MCC: variants seen among roughly 807,000 people sequenced by gnomAD.
The protein encoded by MCC is MCC regulator of Wnt signaling pathway.
A neutral mutation model predicts 116.2 loss-of-function variants in MCC; 90 were observed. The observed-to-expected ratio is 0.77, with a 90% CI of 0.65 to 0.92. MCC has a LOEUF of 0.92. Ranked by LOEUF, MCC falls within the 40% of genes least tolerant of loss-of-function variation. MCC has a pLI of 0.00. For synonymous variants in MCC, 578 were observed against 510.5 expected (o/e 1.13, Z -1.78); for missense variants, 1,516 against 1,312.2 (o/e 1.16, Z -2.40).
chr5:113,333,075 G>T (rs1325686817), intron 3 of MCC, among the ~76,000 whole-genome samples: 1 of 151,564 alleles, frequency 6.6e-6, no homozygotes, highest in Non-Finnish European at 1.5e-5. Context: ...TTTTATGGTT[G>T]ATATGAAAAA....
intron 1 of MCC, among the ~76,000 whole-genome samples, chr5:113,415,920 G>C (rs1770131402): frequency 1.3e-5 from 2 of 152,110 alleles, no homozygotes; most frequent in South Asian, 4.1e-4. Flanking sequence ...TCTACCTTTG[G>C]TCTTTGATGT....
At chr5:113,224,091 G>A (rs916136306) in intron 3 of MCC, among the ~76,000 whole-genome samples, 1 of 152,066 alleles carries the variant, frequency 6.6e-6, no homozygotes, top group Non-Finnish European at 1.5e-5. Flanking sequence ...TATAGTTTTT[G>A]TTTTGTTTTG....
At chr5:113,435,132 A>G in intron 1 of MCC, 1 of 388,802 alleles carries the variant, frequency 2.6e-6, no homozygotes, top group Non-Finnish European at 4.7e-6. Flanking sequence ...AGACAAGATG[A>G]GCAGAAAGTG....
chr5:113,291,859 T>C (rs992928323), intron 3 of MCC, among the ~76,000 whole-genome samples: 1 of 152,200 alleles, frequency 6.6e-6, no homozygotes, highest in Non-Finnish European at 1.5e-5. Flanking sequence ...CTGTGGATAT[T>C]AGAAAAATGG....
intron 15 of MCC, among the ~76,000 whole-genome samples, chr5:113,053,332 C>T (rs1752607172): frequency 6.6e-6 from 1 of 152,210 alleles, no homozygotes; most frequent in Non-Finnish European, 1.5e-5. Context: ...AACTCTACAA[C>T]TGGCCTCACC....
intron 3 of MCC, among the ~76,000 whole-genome samples, chr5:113,323,938 C>T (rs1262766693): frequency 6.6e-6 from 1 of 152,222 alleles, no homozygotes; most frequent in East Asian, 1.9e-4. Context: ...GAAAGGACCA[C>T]TAATGCCTGG....
chr5:113,210,513 T>C (rs1051523546), intron 3 of MCC, among the ~76,000 whole-genome samples: 8 of 152,094 alleles, frequency 5.3e-5, no homozygotes, highest in African/African-American at 1.7e-4. Context: ...CTCAGTGCAA[T>C]TGGGATTGAG....
intron 17 of MCC, 91 bp from the exon 18 acceptor site, chr5:113,029,147 G>GC: frequency 7.3e-7 from 1 of 1,361,412 alleles, no homozygotes; most frequent in Non-Finnish European, 9.9e-7. Context: ...AAAGAGGAAG[G>GC]TTTAGCTTGC....
chr5:113,461,152 G>A (rs111669061), intron 1 of MCC, among the ~76,000 whole-genome samples: 5,328 of 152,164 alleles, frequency 0.035, 137 homozygotes, highest in African/African-American at 0.069. Flanking sequence ...TCTCAGCTAC[G>A]CAAGAGGCTG....
rs542497591 is a variant in MCC, at chr5:113,459,133, ATGTGTGTGTGTGTG to A, written c.170+29098_170+29111del. Among the ~76,000 whole-genome samples, 93 of 68,360 alleles carry A rather than the reference ATGTGTGTGTGTGTG, an allele frequency of 1.4e-3. 1 individual carries two copies. Among genetic ancestry groups the A allele is most frequent in the Admixed American group, 2.0e-3 (12 of 5,994 alleles). The allele number at this position is 68,360 out of a possible 152,430, so 44.8% of individuals were successfully genotyped here. On this transcript the variant is annotated intron_variant, in intron 1 of 18. Coordinates refer to ENST00000408903, the MANE Select transcript of MCC (RefSeq NM_001085377.2). The stretch of plus-strand genomic sequence containing the variant: ...GAGGTCTCTGGGGAGGAGTAAGGAT[ATGTGTGTGTGTGTG>A]TGTGTGTGTGTGTGTGTGTGTGTGT...
intron 1 of MCC, among the ~76,000 whole-genome samples, chr5:113,461,545 C>T (rs1338249644): frequency 6.6e-6 from 1 of 151,834 alleles, no homozygotes; most frequent in Admixed American, 6.6e-5. Flanking sequence ...TGGCTCATGC[C>T]TGTAATCCCA....
chr5:113,031,938 C>G (rs1316943064), intron 17 of MCC, among the ~76,000 whole-genome samples: 1 of 152,136 alleles, frequency 6.6e-6, no homozygotes, highest in Non-Finnish European at 1.5e-5. Flanking sequence ...ACTGCCTGGC[C>G]TTCAGAAGGG....
chr5:113,397,964 A>G (rs984920407), intron 1 of MCC, among the ~76,000 whole-genome samples: 2 of 152,230 alleles, frequency 1.3e-5, no homozygotes, highest in South Asian at 2.1e-4. Flanking sequence ...AATATCCACA[A>G]TCTATAAGGA....
At chr5:113,134,610 TTC>T (rs1478836613) in intron 5 of MCC, among the ~76,000 whole-genome samples, 4 of 149,598 alleles carry the variant, frequency 2.7e-5, no homozygotes, top group South Asian at 4.3e-4. Context: ...GATTTTTTTT[TTC>T]TTCTATTTCT....
chr5:113,337,059 A>G (rs1339920397), intron 3 of MCC, among the ~76,000 whole-genome samples: 2 of 152,164 alleles, frequency 1.3e-5, no homozygotes, highest in Admixed American at 1.3e-4. Context: ...TCCTTTGTCA[A>G]TAGAGGGTGC....
intron 3 of MCC, among the ~76,000 whole-genome samples, chr5:113,221,340 C>A (rs1763545425): frequency 6.6e-6 from 1 of 152,250 alleles, no homozygotes; most frequent in African/African-American, 2.4e-5. Context: ...CTGCTTCTAA[C>A]CTTCAAGCTG....
intron 1 of MCC, among the ~76,000 whole-genome samples, chr5:113,412,412 T>A (rs1377619177): frequency 6.6e-6 from 1 of 152,230 alleles, no homozygotes; most frequent in Non-Finnish European, 1.5e-5. Flanking sequence ...GAGCATGGAA[T>A]GTTTTTCCAT....
At chr5:113,032,841 T>G (rs981301032) in intron 17 of MCC, among the ~76,000 whole-genome samples, 1 of 152,130 alleles carries the variant, frequency 6.6e-6, no homozygotes, top group African/African-American at 2.4e-5. Context: ...AAGAATGACC[T>G]CTAATCGTCC....
intron 3 of MCC, among the ~76,000 whole-genome samples, chr5:113,301,151 T>C (rs569634549): frequency 1.6e-3 from 240 of 152,242 alleles, no homozygotes; most frequent in Non-Finnish European, 2.1e-3. Flanking sequence ...TGATGGGAAA[T>C]GATTAATAAG....
Sources: allele counts gnomAD v4.1 joint callset (sites outside exome capture counted in the v4.1 genomes callset), GRCh38; gene constraint gnomAD v4.1.1; transcripts MANE v1.5; gene names NCBI Gene and HGNC (gene_info 2026-07-23, HGNC 2026-07-21).